PI4K2A: variants seen among roughly 807,000 people sequenced by gnomAD.
PI4K2A encodes phosphatidylinositol 4-kinase type 2-alpha.
Under a neutral mutation model 55.0 loss-of-function variants are expected in PI4K2A, and 20 were observed. The observed-to-expected ratio is 0.36, with a 90% confidence interval of 0.26 to 0.53. The LOEUF (loss-of-function observed/expected upper bound fraction) is 0.53. Ranked by LOEUF, PI4K2A falls within the 20% of genes least tolerant of loss-of-function variation. The pLI, the probability that PI4K2A is intolerant of heterozygous loss-of-function variation, is 0.91. For synonymous variants in PI4K2A, 235 were observed against 258.5 expected, an observed-to-expected ratio of 0.91 and a Z score of 0.87; for missense variants, 463 against 637.1, an observed-to-expected ratio of 0.73 and a Z score of 2.94.
Position 97,662,782 on chromosome 10 carries a change from T to C in PI4K2A, c.923-125T>C, listed in dbSNP as rs114969555. The stretch of plus-strand genomic sequence containing the variant: ...CCTTAAAAAAGATCTAAAAATATTT[T>C]ATCCAGCATTTGTAGTCATTCTCAG... On this transcript the variant is annotated intron_variant, in intron 4 of 8. Transcript: ENST00000370631. 2,567 of 699,918 alleles carry C rather than the reference T, an allele frequency of 3.7e-3. 25 individuals are homozygous for C. The highest frequency in any genetic ancestry group is 0.028 in the African/African-American group (1,558 of 55,884). 43.4% of individuals were successfully genotyped at this position (699,918 alleles called of 1,614,324 possible).
In PI4K2A at chr10:97,659,604, T is replaced by G. The variant is rs138675688; in HGVS notation, c.922+2630T>G. On this transcript the variant is annotated intron_variant, in intron 4 of 8. Coordinates refer to ENST00000370631, the Ensembl canonical transcript of PI4K2A. The stretch of plus-strand genomic sequence containing the variant: ...CTGTTCTTGATTTTAGAGGAAAACC[T>G]TGCAATCTTTCACCATTATGATGTT... Among the ~76,000 whole-genome samples the G allele has an allele frequency of 2.3e-3, 357 of 152,158 alleles. 3 individuals carry two copies. The highest frequency in any genetic ancestry group is 8.1e-3 in the African/African-American group (334 of 41,436).
chr10:97,666,005 C>G (rs2041608099), intron 6 of PI4K2A, among the ~76,000 whole-genome samples: 1 of 151,946 alleles, frequency 6.6e-6, no homozygotes, highest in South Asian at 2.1e-4. Flanking sequence ...AATTGTGCCT[C>G]TAAATATAAG....
intron 8 of PI4K2A, 31 bp from the exon 9 acceptor site, chr10:97,673,550 T>G: frequency 6.2e-7 from 1 of 1,604,486 alleles, no homozygotes; most frequent in Non-Finnish European, 8.5e-7. Flanking sequence ...CTGAGGCCTC[T>G]CCCTCACCCA....
At chr10:97,653,249 G>C (rs1045797513) in intron 2 of PI4K2A, among the ~76,000 whole-genome samples, 1 of 152,184 alleles carries the variant, frequency 6.6e-6, no homozygotes, top group Non-Finnish European at 1.5e-5. Context: ...CTGGAGTGTG[G>C]TGCCCAAGAA....
intron 8 of PI4K2A, among the ~76,000 whole-genome samples, chr10:97,668,224 T>C (rs1422756450): frequency 6.6e-6 from 1 of 152,166 alleles, no homozygotes; most frequent in Non-Finnish European, 1.5e-5. Flanking sequence ...CTGTGAGATT[T>C]TGGGCAAGTT....
chr10:97,660,705 A>C (rs971791705), intron 4 of PI4K2A, among the ~76,000 whole-genome samples: 5 of 151,532 alleles, frequency 3.3e-5, no homozygotes, highest in African/African-American at 1.2e-4. Context: ...ATATACTGAA[A>C]TTTTTTTTAT....
rs1026120334 is a variant in PI4K2A at position 97,665,061 on chromosome 10, G to C, written c.1084+77G>C. On this transcript the variant is annotated intron_variant, in intron 6 of 8. Transcript: ENST00000370631. ...CTCACTGTGCAGTGGAGATGATAAT[G>C]TCTCTATCATAGGATTATTCTAAAA... 50 of 853,912 alleles carry C rather than the reference G, an allele frequency of 5.9e-5. No individual in the cohort carries two copies. The African/African-American group carries it at 7.0e-4, about 12-fold the overall frequency. The allele number at this position is 853,912 out of a possible 1,614,324, so 52.9% of individuals were successfully genotyped here. A position where few individuals can be genotyped will look rare whatever the true frequency, so the allele number is the denominator to read the frequency against.
At chr10:97,663,070 C>T in intron 5 of PI4K2A, 102 bp downstream of exon 5, 3 of 800,024 alleles carry the variant, frequency 3.7e-6, no homozygotes, top group East Asian at 2.5e-5. Flanking sequence ...TCAGAAGAAT[C>T]GGGGGGCGCA....
chr10:97,651,119 TCAA>T, exon 2 of PI4K2A: 1 of 1,612,906 alleles, frequency 6.2e-7, no homozygotes, highest in South Asian at 1.1e-5. Flanking sequence ...AAACTGGAAC[TCAA>T]CATTGTTCCC....
intron 2 of PI4K2A, among the ~76,000 whole-genome samples, chr10:97,651,783 T>TA (rs1282351469): frequency 7.5e-6 from 1 of 133,272 alleles, no homozygotes; most frequent in Non-Finnish European, 1.6e-5. Context: ...CCCCCACCAA[T>TA]ATGCTTGAAT....
At chr10:97,642,830 CCT>C (rs2041478912) in intron 1 of PI4K2A, among the ~76,000 whole-genome samples, 1 of 3,844 alleles carries the variant, frequency 2.6e-4, no homozygotes, top group Non-Finnish European at 1.0e-3. Flanking sequence ...TTCCTTCCTT[CCT>C]TCCTTCCTTC....
At chr10:97,666,500 C>G (rs2041609879) in exon 7 of PI4K2A, 1 of 1,612,846 alleles carries the variant, frequency 6.2e-7, no homozygotes, top group African/African-American at 1.3e-5. Context: ...GATCAAAGAT[C>G]TGATCCTTCC....
At chr10:97,643,106 G>A (rs1225197175) in intron 1 of PI4K2A, among the ~76,000 whole-genome samples, 1 of 151,076 alleles carries the variant, frequency 6.6e-6, no homozygotes, top group African/African-American at 2.4e-5. Flanking sequence ...CTCCCACTCA[G>A]CTTCCGAGTA....
exon 7 of PI4K2A, chr10:97,666,558 A>T: frequency 6.2e-7 from 1 of 1,613,542 alleles, no homozygotes; most frequent in Non-Finnish European, 8.5e-7. Flanking sequence ...GAGGACCTAT[A>T]TGAACTCTTC....
intron 8 of PI4K2A, among the ~76,000 whole-genome samples, chr10:97,671,307 C>A (rs1258920226): frequency 2.0e-5 from 3 of 152,102 alleles, no homozygotes; most frequent in Non-Finnish European, 2.9e-5. Flanking sequence ...ATGGTGAGGA[C>A]TGGACTCAGT....
chr10:97,646,217 T>G (rs1198188641), intron 1 of PI4K2A, among the ~76,000 whole-genome samples: 1 of 147,306 alleles, frequency 6.8e-6, no homozygotes, highest in Non-Finnish European at 1.5e-5. Context: ...GAGTCCTTAA[T>G]AATTTTTTTT....
chr10:97,648,579 GT>G (rs1350745813), intron 1 of PI4K2A, among the ~76,000 whole-genome samples: 2 of 152,218 alleles, frequency 1.3e-5, no homozygotes, highest in Non-Finnish European at 2.9e-5. Context: ...GCCCCCAGTA[GT>G]AGTAGGAGTG....
exon 1 of PI4K2A, chr10:97,640,895 G>T (rs2041463928): frequency 7.7e-7 from 1 of 1,294,290 alleles, no homozygotes; most frequent in Non-Finnish European, 9.8e-7. Context: ...CGCCGGGCTC[G>T]CCGGGCCACG....
At position 97,642,816 on chromosome 10, in the gene PI4K2A, T is replaced by A. The variant is rs887682605; in HGVS notation, c.435+1639T>A. ...TGCTTGCTTTCTCTTTCTTCCTTCC[T>A]TCCTTCCTTCCTTCCTTCCTTCCTT... On this transcript the variant is annotated intron_variant, in intron 1 of 8. Coordinates refer to ENST00000370631, the Ensembl canonical transcript of PI4K2A. 3.2e-3 allele frequency among the ~76,000 whole-genome samples: 17 copies of A among 5,280 alleles called. 2 individuals are homozygous for A. The highest frequency in any genetic ancestry group is 7.5e-3 in the Non-Finnish European group (15 of 2,002). The allele number at this position is 5,280 out of a possible 152,430, so 3.5% of individuals were successfully genotyped here.
Sources: gnomAD v4.1 joint callset for allele counts (sites outside exome capture counted in the v4.1 genomes callset) on GRCh38, gnomAD v4.1.1 for gene constraint, MANE v1.5 for transcripts, NCBI Gene and HGNC (gene_info 2026-07-23, HGNC 2026-07-21) for gene names.